The following DDX4 variants were observed in gnomAD, a reference collection of about 807,000 sequenced individuals.
DDX4 encodes the protein DEAD-box helicase 4.
DDX4 carries 25 observed loss-of-function variants against 100.0 expected under a neutral mutation model. The ratio of observed to expected loss-of-function variants is 0.25; its 90% CI spans 0.18 to 0.35. The LOEUF is 0.35. Among genes scored for constraint, DDX4 ranks in the 10% least tolerant of loss-of-function variants. The probability of loss-of-function intolerance (pLI) is 1.00; values close to 1 mark genes in which losing one functional copy is unlikely to be tolerated. For synonymous variants in DDX4, 259 were observed against 275.7 expected, an observed-to-expected ratio of 0.94 and a Z score of 0.60; for missense variants, 635 against 882.4, an observed-to-expected ratio of 0.72 and a Z score of 3.55.
intron 2 of DDX4, among the ~76,000 whole-genome samples, chr5:55,745,036 A>G (rs1759178564): frequency 6.6e-6 from 1 of 152,026 alleles, no homozygotes; most frequent in Non-Finnish European, 1.5e-5. Context: ...GCCCATCACC[A>G]TGCCAGGCTA....
chr5:55,756,944 G>A (rs1759975192), intron 3 of DDX4, among the ~76,000 whole-genome samples: 1 of 151,260 alleles, frequency 6.6e-6, no homozygotes, highest in Non-Finnish European at 1.5e-5. Context: ...TTACATTCAT[G>A]AAAGTGAATG....
At chr5:55,739,339 G>A (rs1758859209) in intron 2 of DDX4, among the ~76,000 whole-genome samples, 1 of 152,152 alleles carries the variant, frequency 6.6e-6, no homozygotes, top group Admixed American at 6.5e-5. Flanking sequence ...AGTGAAAGAC[G>A]CTTGTATGGA....
At chr5:55,755,932 A>G (rs1759901581) in intron 3 of DDX4, among the ~76,000 whole-genome samples, 1 of 152,110 alleles carries the variant, frequency 6.6e-6, no homozygotes, top group Non-Finnish European at 1.5e-5. Context: ...AGTGACTATT[A>G]TCCTGATTTC....
At chr5:55,768,874 G>A (rs571833458) in intron 7 of DDX4, among the ~76,000 whole-genome samples, 2 of 152,244 alleles carry the variant, frequency 1.3e-5, no homozygotes, top group African/African-American at 4.8e-5. Flanking sequence ...TTTCTCTAAC[G>A]ATTAGTGATG....
In DDX4 at chr5:55,813,808, G is replaced by T; in HGVS notation, c.1715+36G>T. 3 of 1,522,442 alleles carry T rather than the reference G, an allele frequency of 2.0e-6. No homozygotes were observed. The South Asian group carries it at 4.1e-5, about 21-fold the overall frequency. The allele number at this position is 1,522,442 out of a possible 1,614,324, so 94.3% of individuals were successfully genotyped here. On this transcript the variant is annotated intron_variant, in intron 19 of 21. Coordinates refer to ENST00000505374, the MANE Select transcript of DDX4 (RefSeq NM_024415.3). ...GAATATAATTACCTATTAGGGGAAT[G>T]ACTTCTATTTGGTATTTAAGAAACA...
At chr5:55,779,394 G>T (rs1741770126) in intron 7 of DDX4, among the ~76,000 whole-genome samples, 1 of 152,086 alleles carries the variant, frequency 6.6e-6, no homozygotes, top group Non-Finnish European at 1.5e-5. Context: ...TTTATTTCCT[G>T]CCCAGTTGGC....
intron 3 of DDX4, among the ~76,000 whole-genome samples, chr5:55,757,664 T>C (rs1251930850): frequency 1.3e-5 from 2 of 152,328 alleles, no homozygotes; most frequent in South Asian, 2.1e-4. Context: ...AGAATCTTTA[T>C]TGAAGACCTT....
chr5:55,762,050 T>A (rs1740593931), intron 4 of DDX4, among the ~76,000 whole-genome samples: 1 of 152,246 alleles, frequency 6.6e-6, no homozygotes, highest in South Asian at 2.1e-4. Flanking sequence ...TTGGACTTCT[T>A]GAATCACACA....
In DDX4 at chr5:55,810,411, C is replaced by T. The variant is rs187800106; in HGVS notation, c.1616-3262C>T. On this transcript the variant is annotated intron_variant, in intron 18 of 21. Coordinates refer to ENST00000505374, the MANE Select transcript of DDX4 (RefSeq NM_024415.3). ...TGAGCCACCATGCCTAGCCATGTTT[C>T]GGATTTTTTTTAATTAACTTTTGGA... is the stretch of plus-strand genomic sequence containing the variant. Among the ~76,000 whole-genome samples the T allele has an allele frequency of 3.6e-3, 545 of 152,108 alleles. 3 individuals are homozygous for T. Among genetic ancestry groups the T allele is most frequent in the Non-Finnish European group, 5.6e-3 (383 of 67,998 alleles).
intron 17 of DDX4, among the ~76,000 whole-genome samples, chr5:55,794,354 ATT>A (rs1227796139): frequency 8.4e-5 from 11 of 131,036 alleles, no homozygotes; most frequent in Non-Finnish European, 1.2e-4. Flanking sequence ...CGCCTGGTTA[ATT>A]TTTTTTTTTT....
intron 12 of DDX4, 105 bp from the exon 13 acceptor site, chr5:55,785,624 G>T: frequency 7.8e-7 from 1 of 1,280,406 alleles, no homozygotes; most frequent in Non-Finnish European, 1.1e-6. Flanking sequence ...GCAGTGGGAA[G>T]TTCCATAGTA....
intron 3 of DDX4, among the ~76,000 whole-genome samples, chr5:55,757,680 G>GA (rs755437242): frequency 2.0e-5 from 3 of 151,948 alleles, no homozygotes; most frequent in South Asian, 2.1e-4. Flanking sequence ...ACCTTTTCAT[G>GA]AAAAAAATCT....
Position 55,787,995 on chromosome 5 carries a change from T to C in DDX4, c.1167T>C (p.Ser389=), listed in dbSNP as rs759473971. ...TTTATTTGGAAGCCAGAAAATTTTC[T>C]TTTGGGTAAGTACATCAGAGTGCTA... ...NQIYLEARKF[S]FGTCVRAVVI... is the part of the protein sequence containing the mutation. The change falls in exon 15 of 22, where the codon TCT becomes TCC. Residue 389 remains serine, a synonymous_variant. Coordinates refer to ENST00000505374, the MANE Select transcript of DDX4 (RefSeq NM_024415.3). 1.4e-5 allele frequency: 22 copies of C among 1,613,060 alleles called. No homozygotes were observed. Among genetic ancestry groups the C allele is most frequent in the Non-Finnish European group, 1.9e-5 (22 of 1,179,668 alleles).
chr5:55,747,729 C>T (rs1447352284), intron 3 of DDX4, among the ~76,000 whole-genome samples: 2 of 152,138 alleles, frequency 1.3e-5, no homozygotes, highest in Non-Finnish European at 2.9e-5. Flanking sequence ...AAAATAACTC[C>T]CCATTTCCTC....
chr5:55,772,278 A>AT (rs1741302376), intron 7 of DDX4, among the ~76,000 whole-genome samples: 1 of 151,942 alleles, frequency 6.6e-6, no homozygotes, highest in Non-Finnish European at 1.5e-5. Flanking sequence ...ATCAATATAC[A>AT]TTTTTTTTCC....
intron 3 of DDX4, among the ~76,000 whole-genome samples, chr5:55,753,148 G>C (rs929168311): frequency 5.6e-4 from 85 of 152,238 alleles, no homozygotes; most frequent in Non-Finnish European, 1.1e-3. Context: ...TGTTCACTCT[G>C]ATGGTAGTTT....
At chr5:55,746,606 A>T (rs1037052947) in intron 3 of DDX4, among the ~76,000 whole-genome samples, 1 of 152,234 alleles carries the variant, frequency 6.6e-6, no homozygotes, top group Admixed American at 6.5e-5. Context: ...TTTAAGCCAA[A>T]TCTGTCATAC....
At chr5:55,742,141 A>T (rs1046913114) in intron 2 of DDX4, 3 of 456,100 alleles carry the variant, frequency 6.6e-6, no homozygotes, top group Non-Finnish European at 1.3e-5. Context: ...AAAGATGTGA[A>T]GTTAAGAAAG....
At chr5:55,758,868 TAAAAA>T (rs35392036) in intron 3 of DDX4, among the ~76,000 whole-genome samples, 6 of 70,320 alleles carry the variant, frequency 8.5e-5, no homozygotes, top group African/African-American at 2.3e-4. Flanking sequence ...TTTGTTTCCT[TAAAAA>T]AAAAAAAAAA....
Sources: gnomAD v4.1 joint callset for allele counts (sites outside exome capture counted in the v4.1 genomes callset) on GRCh38, gnomAD v4.1.1 for gene constraint, MANE v1.5 for transcripts, NCBI Gene and HGNC (gene_info 2026-07-23, HGNC 2026-07-21) for gene names.